LNX1: variants seen among roughly 807,000 people sequenced by gnomAD.
LNX1 encodes E3 ubiquitin-protein ligase LNX.
A neutral mutation model predicts 68.4 loss-of-function variants in LNX1; 54 were observed. The ratio of observed to expected loss-of-function variants is 0.79; its 90% CI spans 0.63 to 0.99. LNX1 has a LOEUF of 0.99. LNX1 is among the 50% of genes least tolerant of loss of function. The pLI is 0.00. For synonymous variants in LNX1, 336 were observed against 350.0 expected, an observed-to-expected ratio of 0.96 and a Z score of 0.45; for missense variants, 906 against 926.4, an observed-to-expected ratio of 0.98 and a Z score of 0.29.
upstream of LNX1, among the ~76,000 whole-genome samples, chr4:53,595,661 G>A (rs113332758): frequency 6.8e-3 from 1,034 of 152,218 alleles, 12 homozygotes; most frequent in African/African-American, 0.023. Context: ...TTAACCAGCC[G>A]GCTCACTTGG....
At chr4:53,549,449 A>C (rs192925753) in intron 2 of LNX1, 1 of 124,444 alleles carries the variant, frequency 8.0e-6, no homozygotes, top group East Asian at 2.1e-4. Context: ...AAGAACGGAG[A>C]AGAGGAGGAG....
chr4:53,479,206 G>A (rs1723760432), intron 7 of LNX1, among the ~76,000 whole-genome samples: 2 of 152,186 alleles, frequency 1.3e-5, no homozygotes, highest in East Asian at 3.9e-4. Context: ...GGAATCTTAA[G>A]CACACAGAGT....
intron 2 of LNX1, among the ~76,000 whole-genome samples, chr4:53,615,522 G>C (rs562920900): frequency 2.2e-4 from 33 of 152,308 alleles, no homozygotes; most frequent in African/African-American, 7.7e-4. Context: ...CCAATCGCCA[G>C]AGCCAACTCC....
intron 2 of LNX1, among the ~76,000 whole-genome samples, chr4:53,554,579 C>A (rs1438736140): frequency 1.3e-5 from 2 of 152,180 alleles, no homozygotes; most frequent in African/African-American, 4.8e-5. Flanking sequence ...CCTGGCTGGG[C>A]ACAGTGGCTC....
At chr4:53,588,804 C>A (rs1732329065) in intron 1 of LNX1, among the ~76,000 whole-genome samples, 3 of 152,116 alleles carry the variant, frequency 2.0e-5, no homozygotes, top group Admixed American at 6.5e-5. Context: ...ATCCCTTACT[C>A]TTGAATGATG....
Position 53,461,058 on chromosome 4 carries a change from A to G in LNX1, c.2052-16T>C. On this transcript the variant is annotated splice_polypyrimidine_tract_variant and intron_variant, in intron 10 of 10. Transcript: ENST00000263925. ...ATCACCACATCTAAAAAAAAAAACA[A>G]AACAAGATATGATTAGTATTTTAAT... 5.2e-6 allele frequency: 8 copies of G among 1,547,440 alleles called. No homozygotes were observed. Among genetic ancestry groups the G allele is most frequent in the Non-Finnish European group, 6.9e-6 (8 of 1,151,708 alleles).
At chr4:53,549,059 T>A (rs895469020) in intron 2 of LNX1, among the ~76,000 whole-genome samples, 7 of 152,194 alleles carry the variant, frequency 4.6e-5, no homozygotes, top group African/African-American at 1.4e-4. Context: ...AAAGGATAAC[T>A]ATTGGGTACT....
intron 6 of LNX1, among the ~76,000 whole-genome samples, chr4:53,483,599 A>C (rs1168190329): frequency 6.6e-6 from 1 of 152,176 alleles, no homozygotes; most frequent in Admixed American, 6.5e-5. Flanking sequence ...AATGAATGAG[A>C]TATGGAAGAT....
chr4:53,530,753 A>C (rs1220376258), intron 2 of LNX1, among the ~76,000 whole-genome samples: 9 of 152,210 alleles, frequency 5.9e-5, no homozygotes, highest in Admixed American at 2.6e-4. Context: ...CAAAGACAAG[A>C]CTATGCAGCC....
intron 2 of LNX1, among the ~76,000 whole-genome samples, chr4:53,611,386 T>C (rs1471384758): frequency 2.0e-5 from 3 of 152,160 alleles, no homozygotes; most frequent in Non-Finnish European, 4.4e-5. Flanking sequence ...CATAAAGATA[T>C]TAAATTCTAC....
intron 4 of LNX1, among the ~76,000 whole-genome samples, chr4:53,500,786 T>C (rs1202973727): frequency 6.6e-6 from 1 of 152,206 alleles, no homozygotes; most frequent in Admixed American, 6.5e-5. Flanking sequence ...TAAACTACTT[T>C]GGTTATATTA....
At position 53,524,985 on chromosome 4, in the gene LNX1, G is replaced by T. The variant is rs180815510; in HGVS notation, c.381-16758C>A. The stretch of plus-strand genomic sequence containing the variant: ...CCCCTTGTGGAGGGAGTCTTAGAGC[G>T]TAAAGATGGGGATTTGTGGTTGATT... On this transcript the variant is annotated intron_variant, in intron 2 of 10. Coordinates refer to ENST00000263925, the MANE Select transcript of LNX1 (RefSeq NM_001126328.3). 2.4e-4 allele frequency among the ~76,000 whole-genome samples: 37 copies of T among 152,256 alleles called. No homozygotes were observed. The East Asian group carries it at 6.6e-3, about 27-fold the overall frequency.
chr4:53,556,845 G>GT (rs1729947610), intron 2 of LNX1, among the ~76,000 whole-genome samples: 1 of 152,214 alleles, frequency 6.6e-6, no homozygotes, highest in Non-Finnish European at 1.5e-5. Flanking sequence ...GTCATGGGTG[G>GT]TAGCACTATC....
chr4:53,527,387 T>A (rs1258908578), intron 2 of LNX1, among the ~76,000 whole-genome samples: 1 of 152,222 alleles, frequency 6.6e-6, no homozygotes, highest in Admixed American at 6.5e-5. Flanking sequence ...TGATGCTCCC[T>A]ATATGATGGC....
In LNX1 at chr4:53,574,982, G is replaced by GT. The variant is rs34184442; in HGVS notation, c.-86-895dup. Among the ~76,000 whole-genome samples, 203 of 111,168 alleles carry GT rather than the reference G, an allele frequency of 1.8e-3. 1 individual carries two copies. The highest frequency in any genetic ancestry group is 2.2e-3 in the East Asian group (9 of 4,022). The allele number at this position is 111,168 out of a possible 152,430, so 72.9% of individuals were successfully genotyped here. ...ACTCTTTTATTCCATTAGATATTTC[G>GT]TTTTTTTTTTTTCTTTTTAGACGGA... On this transcript the variant is annotated intron_variant, in intron 1 of 10. Transcript: ENST00000263925.
chr4:53,487,301 T>C (rs1038705726), intron 6 of LNX1, among the ~76,000 whole-genome samples: 3 of 152,240 alleles, frequency 2.0e-5, no homozygotes, highest in South Asian at 2.1e-4. Flanking sequence ...GTCAAGTACC[T>C]GTTCTCATCC....
intron 2 of LNX1, among the ~76,000 whole-genome samples, chr4:53,615,817 T>C (rs2668556): frequency 0.41 from 62,972 of 151,972 alleles, 13,034 homozygotes; most frequent in Admixed American, 0.45. Context: ...GTACATGAGA[T>C]GTTTTGATAC....
chr4:53,529,570 A>G (rs965259873), intron 2 of LNX1, among the ~76,000 whole-genome samples: 55 of 152,172 alleles, frequency 3.6e-4, no homozygotes, highest in African/African-American at 1.3e-3. Context: ...ACCCAGTAAA[A>G]CATGAAGCTC....
rs1731330550 is a variant in LNX1 at position 53,573,976 on chromosome 4, A to T, written c.27T>A (p.Asp9Glu). MNQPESAN[D>E]PEPLCAVCGQ... ...CACACACTGCACACAGGGGTTCAGG[A>T]TCGTTGGCAGACTCTGGCTGGTTCA... Residue 9 changes from aspartate (D) to glutamate (E), a missense_variant, in exon 2 of 11, where the codon GAT becomes GAA. By Grantham distance (45) the Asp-to-Glu change is conservative. Transcript: ENST00000263925. 3 of 1,612,934 alleles carry T rather than the reference A, an allele frequency of 1.9e-6. No homozygotes were observed. The highest frequency in any genetic ancestry group is 4.5e-5 in the East Asian group (2 of 44,864).
Sources: gnomAD v4.1 joint callset for allele counts (sites outside exome capture counted in the v4.1 genomes callset) on GRCh38, gnomAD v4.1.1 for gene constraint, MANE v1.5 for transcripts, NCBI Gene and HGNC (gene_info 2026-07-23, HGNC 2026-07-21) for gene names.